STOX2: variants seen among roughly 807,000 people sequenced by gnomAD.
STOX2 encodes the protein storkhead-box protein 2.
A neutral mutation model predicts 60.9 loss-of-function variants in STOX2; 28 were observed. That is an observed-to-expected ratio of 0.46 (90% confidence interval 0.34 to 0.63). STOX2 has a LOEUF of 0.63. Ranked by LOEUF, STOX2 falls within the 30% of genes least tolerant of loss-of-function variation. The pLI is 0.01. For missense variants in STOX2, 1,024 were observed against 1,187.7 expected, an observed-to-expected ratio of 0.86 and a Z score of 2.03; for synonymous variants, 472 against 463.9, an observed-to-expected ratio of 1.02 and a Z score of -0.22.
intron 1 of STOX2, among the ~76,000 whole-genome samples, chr4:183,853,011 G>A (rs1740197275): frequency 6.6e-6 from 1 of 152,192 alleles, no homozygotes. Flanking sequence ...AGTGGGAAAG[G>A]CAGTATTAGG....
At chr4:183,920,185 G>A (rs573127093) in intron 1 of STOX2, among the ~76,000 whole-genome samples, 23 of 151,570 alleles carry the variant, frequency 1.5e-4, no homozygotes, top group African/African-American at 4.4e-4. Flanking sequence ...GCACCATCTC[G>A]GCTCACTGCA....
intron 1 of STOX2, among the ~76,000 whole-genome samples, chr4:183,939,521 C>A (rs543658089): frequency 2.0e-5 from 3 of 152,316 alleles, no homozygotes; most frequent in Non-Finnish European, 4.4e-5. Context: ...AGTAAAGCCA[C>A]ATTCACAGAT....
intron 1 of STOX2, among the ~76,000 whole-genome samples, chr4:183,948,228 A>AAC (rs1201260863): frequency 6.7e-6 from 1 of 149,234 alleles, no homozygotes; most frequent in Admixed American, 6.6e-5. Flanking sequence ...CAAAAAAAAA[A>AAC]AAAAAAAAAA....
chr4:183,824,484 G>A (rs189798271), intron 1 of STOX2, among the ~76,000 whole-genome samples: 145 of 152,212 alleles, frequency 9.5e-4, no homozygotes, highest in African/African-American at 3.3e-3. Context: ...AACTCTGAGA[G>A]CTTCTCAAAT....
chr4:183,951,027 A>G (rs896174055), intron 1 of STOX2, among the ~76,000 whole-genome samples: 6 of 152,066 alleles, frequency 3.9e-5, no homozygotes, highest in Admixed American at 2.0e-4. Flanking sequence ...CATCCTGGCT[A>G]ACACGGTGAA....
At chr4:183,991,637 C>T (rs1408949977) in intron 1 of STOX2, among the ~76,000 whole-genome samples, 1 of 152,072 alleles carries the variant, frequency 6.6e-6, no homozygotes, top group African/African-American at 2.4e-5. Flanking sequence ...CCATGTTGGC[C>T]AGGCTGGTCT....
rs536147632 is a variant in STOX2 at position 183,906,710 on chromosome 4, C to A, written c.-81C>A. ...TGCGCAGAGTCCGCCCGGGTCGTGC[C>A]CGCCGTAGACGGATGAAGGAGCGCG... On this transcript the variant is annotated 5_prime_UTR_variant, in exon 1 of 4. Coordinates refer to ENST00000308497, the MANE Select transcript of STOX2 (RefSeq NM_020225.3). 2,636 of 1,382,536 alleles carry A rather than the reference C, an allele frequency of 1.9e-3. 1 individual carries two copies. Among genetic ancestry groups the A allele is most frequent in the Non-Finnish European group, 2.4e-3 (2,531 of 1,047,450 alleles). 85.6% of individuals were successfully genotyped at this position (1,382,536 alleles called of 1,614,324 possible).
chr4:183,852,981 A>C (rs1355179282), intron 1 of STOX2, among the ~76,000 whole-genome samples: 2 of 152,306 alleles, frequency 1.3e-5, no homozygotes, highest in Admixed American at 1.3e-4. Flanking sequence ...TCATTTACTG[A>C]TGAACCCGGG....
chr4:183,997,825 GCC>G (rs941626061), intron 1 of STOX2, among the ~76,000 whole-genome samples: 4 of 152,144 alleles, frequency 2.6e-5, no homozygotes, highest in African/African-American at 9.7e-5. Context: ...AAAAGTTATT[GCC>G]CATATTCATT....
chr4:183,903,504 C>T (rs116652177), upstream of STOX2, among the ~76,000 whole-genome samples: 772 of 152,246 alleles, frequency 5.1e-3, 2 homozygotes, highest in Non-Finnish European at 9.5e-3. Context: ...CCATACTAGA[C>T]GGTTTGCTGC....
At chr4:183,931,230 G>T (rs916474859) in intron 1 of STOX2, among the ~76,000 whole-genome samples, 8 of 152,030 alleles carry the variant, frequency 5.3e-5, no homozygotes, top group Admixed American at 4.6e-4. Context: ...TCAAGACCAG[G>T]ATGGCCAACA....
At chr4:183,872,758 C>T (rs1197189765) in intron 1 of STOX2, among the ~76,000 whole-genome samples, 2 of 152,108 alleles carry the variant, frequency 1.3e-5, no homozygotes, top group Non-Finnish European at 2.9e-5. Flanking sequence ...GGCTCTGGTC[C>T]TCCTAACTCA....
intron 1 of STOX2, among the ~76,000 whole-genome samples, chr4:183,830,863 G>T (rs1424467580): frequency 2.6e-5 from 4 of 151,454 alleles, no homozygotes; most frequent in African/African-American, 9.7e-5. Flanking sequence ...TGTGCAAAAC[G>T]TTTTCAGAGG....
chr4:183,909,257 A>G (rs1286624682), intron 1 of STOX2, among the ~76,000 whole-genome samples: 1 of 152,256 alleles, frequency 6.6e-6, no homozygotes, highest in African/African-American at 2.4e-5. Context: ...ACACTTGGAA[A>G]TGATTTATAA....
chr4:183,919,719 C>G (rs569696061), intron 1 of STOX2, among the ~76,000 whole-genome samples: 1 of 152,194 alleles, frequency 6.6e-6, no homozygotes, highest in South Asian at 2.1e-4. Context: ...AATCCTCCCC[C>G]CTCGGCCTCC....
At chr4:183,931,791 C>T (rs1369449713) in intron 1 of STOX2, among the ~76,000 whole-genome samples, 1 of 152,078 alleles carries the variant, frequency 6.6e-6, no homozygotes, top group Non-Finnish European at 1.5e-5. Flanking sequence ...TGCAACCATC[C>T]CAGGCAAATG....
At chr4:184,013,861 ACTGCCGC>A (rs1373717988) in intron 3 of STOX2, among the ~76,000 whole-genome samples, 1 of 152,152 alleles carries the variant, frequency 6.6e-6, no homozygotes, top group Non-Finnish European at 1.5e-5. Context: ...ATTGTAGCTC[ACTGCCGC>A]CTGGAACTCC....
chr4:183,864,954 A>G (rs1179006351), intron 1 of STOX2, among the ~76,000 whole-genome samples: 2 of 152,198 alleles, frequency 1.3e-5, no homozygotes, highest in Non-Finnish European at 2.9e-5. Context: ...ATTCTTACCC[A>G]GCAAATCTAA....
intron 1 of STOX2, among the ~76,000 whole-genome samples, chr4:183,956,088 G>A (rs556837490): frequency 4.6e-5 from 7 of 152,246 alleles, no homozygotes; most frequent in South Asian, 2.1e-4. Flanking sequence ...AATTGCTGCC[G>A]TCTGCCTAGG....
Sources: allele counts gnomAD v4.1 joint callset (sites outside exome capture counted in the v4.1 genomes callset), GRCh38; gene constraint gnomAD v4.1.1; transcripts MANE v1.5; gene names NCBI Gene and HGNC (gene_info 2026-07-23, HGNC 2026-07-21).